ZNF782: variants seen among roughly 807,000 people sequenced by gnomAD.
ZNF782 encodes the protein zinc finger protein 782.
In ZNF782, 12 loss-of-function variants were observed where a neutral mutation model predicts 13.0. The observed-to-expected ratio is 0.92, with a 90% CI of 0.59 to 1.50. ZNF782 has a LOEUF of 1.50. Among genes scored for constraint, ZNF782 ranks in the 40% most tolerant of loss-of-function variants. The pLI, the probability that ZNF782 is intolerant of heterozygous loss-of-function variation, is 0.00. For missense variants in ZNF782, 770 were observed against 822.9 expected (o/e 0.94, Z 0.79); for synonymous variants, 284 against 283.0 (o/e 1.00, Z -0.04).
intron 4 of ZNF782, among the ~76,000 whole-genome samples, chr9:96,836,212 CTTTTTTTTT>C (rs1163521968): frequency 7.3e-6 from 1 of 137,212 alleles, no homozygotes; most frequent in African/African-American, 2.7e-5. Context: ...AAGTAAAAAA[CTTTTTTTTT>C]TTTTTTTTTG....
chr9:96,870,016 A>G (rs1034011398), intron 1 of ZNF782, among the ~76,000 whole-genome samples: 9 of 152,208 alleles, frequency 5.9e-5, no homozygotes, highest in African/African-American at 2.2e-4. Context: ...TTAGGAGCCC[A>G]ATTTTTAAAT....
At chr9:96,840,211 A>G (rs1201839770) in intron 4 of ZNF782, among the ~76,000 whole-genome samples, 3 of 152,000 alleles carry the variant, frequency 2.0e-5, no homozygotes, top group Non-Finnish European at 4.4e-5. Context: ...ATCTTGTACC[A>G]TATTCCTTCT....
intron 2 of ZNF782, among the ~76,000 whole-genome samples, chr9:96,852,508 G>A (rs1225894064): frequency 6.6e-6 from 1 of 152,146 alleles, no homozygotes; most frequent in Non-Finnish European, 1.5e-5. Flanking sequence ...TTAGCCAGGT[G>A]TGGTGGCATG....
At position 96,819,460 on chromosome 9, in the gene ZNF782, G is replaced by A. The variant is rs1850329091; in HGVS notation, c.563C>T (p.Ala188Val). The A allele has an allele frequency of 6.2e-7, 1 of 1,613,910 alleles. No homozygotes were observed. Among genetic ancestry groups the A allele is most frequent in the Non-Finnish European group, 8.5e-7 (1 of 1,180,000 alleles). The change falls in exon 6 of 6, where the codon GCT (alanine) becomes GTT (valine). Residue 188 changes from alanine to valine, a missense_variant. Ala to Val is a moderately conservative substitution (Grantham distance 64, BLOSUM62 0). Transcript: ENST00000481138. Reference sequence around the variant, plus strand: ...GAGGGTTTTCACAATTTTACTATAAGCGAAAGATTTCTCTTGAGTGTTAGT... The same window carrying A: ...GAGGGTTTTCACAATTTTACTATAAACGAAAGATTTCTCTTGAGTGTTAGT... ...GRTNTQEKSFAYSKIVKTLHH... is the reference protein window; with the variant it reads ...GRTNTQEKSFVYSKIVKTLHH...
intron 1 of ZNF782, among the ~76,000 whole-genome samples, chr9:96,873,582 C>T (rs1034665123): frequency 6.6e-6 from 1 of 152,234 alleles, no homozygotes; most frequent in Non-Finnish European, 1.5e-5. Context: ...TGCCGATGTT[C>T]CTAGCTCCTT....
chr9:96,835,240 A>C (rs932807755), intron 4 of ZNF782, among the ~76,000 whole-genome samples: 1 of 152,224 alleles, frequency 6.6e-6, no homozygotes, highest in Non-Finnish European at 1.5e-5. Context: ...TGCTGGAGTT[A>C]TACTAGCAAA....
At chr9:96,879,601 A>T (rs940544106), upstream of ZNF782, among the ~76,000 whole-genome samples, 1 of 152,236 alleles carries the variant, frequency 6.6e-6, no homozygotes, top group Non-Finnish European at 1.5e-5. Context: ...CCCTGTGACT[A>T]GTGACAGTGA....
chr9:96,858,192 T>C (rs1360603725), upstream of ZNF782, among the ~76,000 whole-genome samples: 1 of 152,230 alleles, frequency 6.6e-6, no homozygotes, highest in Non-Finnish European at 1.5e-5. The surrounding 1 kb of genome is among the most constrained non-coding windows in gnomAD (Gnocchi z 4.4). Context: ...ATCTGTTTTA[T>C]AGAAACCTTG....
At chr9:96,870,227 T>C (rs1471911353) in intron 1 of ZNF782, among the ~76,000 whole-genome samples, 1 of 152,198 alleles carries the variant, frequency 6.6e-6, no homozygotes, top group Non-Finnish European at 1.5e-5. Flanking sequence ...AAATTGTACC[T>C]CTTTTCTATT....
chr9:96,910,132 G>C, the ZNF782 span: 3 of 775,460 alleles, frequency 3.9e-6, no homozygotes, highest in Non-Finnish European at 2.2e-6. Context: ...ACTTAAAGGA[G>C]AAGAAGGAAG....
At chr9:96,831,862 T>C (rs1168098234) in intron 4 of ZNF782, among the ~76,000 whole-genome samples, 1 of 152,170 alleles carries the variant, frequency 6.6e-6, no homozygotes, top group Non-Finnish European at 1.5e-5. Flanking sequence ...TGGTATACCT[T>C]CTTCTGTTCT....
chr9:96,850,732 C>G lies in ZNF782; in HGVS notation c.15+1215G>C, dbSNP rs1006194604. ...TTATTATGATTATTTTAGTCTTGCT[C>G]TTTCATTTTAGTTAAGGCCTGTCTT... On this transcript the variant is annotated intron_variant, in intron 3 of 5. Transcript: ENST00000481138. This position sits in a 1 kb window ranked among gnomAD's most constrained non-coding sequence, Gnocchi z 4.3. Among the ~76,000 whole-genome samples the G allele has an allele frequency of 1.3e-5, 2 of 152,050 alleles. No individual in the cohort carries two copies. The highest frequency in any genetic ancestry group is 4.8e-5 in the African/African-American group (2 of 41,390).
At chr9:96,925,118 GC>G in the ZNF782 span, among the ~76,000 whole-genome samples, 1 of 152,172 alleles carries the variant, frequency 6.6e-6, no homozygotes, top group African/African-American at 2.4e-5. Context: ...TCGTCTCCCT[GC>G]CCCGAACCAC....
chr9:96,845,844 C>A (rs886959990), intron 3 of ZNF782, among the ~76,000 whole-genome samples: 1 of 152,136 alleles, frequency 6.6e-6, no homozygotes, highest in African/African-American at 2.4e-5. Context: ...CCAAGAAGGT[C>A]AAAGAACTCT....
the ZNF782 span, among the ~76,000 whole-genome samples, chr9:96,882,601 C>A: frequency 6.6e-6 from 1 of 152,100 alleles, no homozygotes; most frequent in Non-Finnish European, 1.5e-5. Context: ...AATCTCTAAT[C>A]ACTGTAAACT....
the ZNF782 span, among the ~76,000 whole-genome samples, chr9:96,929,971 T>TATC: frequency 1.3e-5 from 2 of 151,958 alleles, no homozygotes; most frequent in Admixed American, 1.3e-4. Flanking sequence ...AAGACAGTCC[T>TATC]ATTATTATTA....
At chr9:96,919,807 G>A in the ZNF782 span, among the ~76,000 whole-genome samples, 1 of 150,434 alleles carries the variant, frequency 6.6e-6, no homozygotes, top group Non-Finnish European at 1.5e-5. Flanking sequence ...TGATCCGCCT[G>A]CCTTGGCCTC....
chr9:96,863,699 T>C (rs546458952), intron 1 of ZNF782, among the ~76,000 whole-genome samples: 2 of 152,330 alleles, frequency 1.3e-5, no homozygotes, highest in Admixed American at 6.5e-5. Context: ...AATGAAATAA[T>C]GGCCTTTGCA....
intron 4 of ZNF782, among the ~76,000 whole-genome samples, chr9:96,840,661 C>T (rs1346830469): frequency 1.3e-5 from 2 of 151,922 alleles, no homozygotes; most frequent in African/African-American, 4.8e-5. Context: ...CAGTCTCATA[C>T]TATATGAATG....
Sources: allele counts gnomAD v4.1 joint callset (sites outside exome capture counted in the v4.1 genomes callset), GRCh38; gene constraint gnomAD v4.1.1; non-coding constraint Gnocchi (gnomAD v3.1); transcripts MANE v1.5; gene names NCBI Gene and HGNC (gene_info 2026-07-23, HGNC 2026-07-21).